SLC27A4: variants seen among roughly 807,000 people sequenced by gnomAD.
SLC27A4 encodes the protein solute carrier family 27 member 4.
Under a neutral mutation model 64.4 loss-of-function variants are expected in SLC27A4, and 33 were observed. That is an observed-to-expected ratio of 0.51 (90% confidence interval 0.39 to 0.68). The LOEUF is 0.68. SLC27A4 is among the 30% of genes least tolerant of loss of function. SLC27A4 has a pLI of 0.00. For missense variants in SLC27A4, 824 were observed against 883.5 expected, an observed-to-expected ratio of 0.93 and a Z score of 0.85; for synonymous variants, 377 against 370.0, an observed-to-expected ratio of 1.02 and a Z score of -0.22.
rs758250643 is a variant in SLC27A4, at chr9:128,360,363, C to T, written c.1804C>T (p.Arg602Trp). ...GTYKFQKTEL[R>W]KEGFDPAIVK... ...CTACAAGTTCCAGAAGACAGAGCTA[C>T]GGAAGGAGGGCTTTGACCCGGCTAT... Residue 602 changes from arginine to tryptophan, a missense_variant, in exon 13 of 13, where the codon CGG (arginine) becomes TGG (tryptophan). By Grantham distance (101) the Arg-to-Trp change is moderately radical. Transcript: ENST00000300456. 25 of 1,614,120 alleles carry T rather than the reference C, an allele frequency of 1.5e-5. No homozygotes were observed. Among genetic ancestry groups the T allele is most frequent in the South Asian group, 2.2e-5 (2 of 91,076 alleles).
At chr9:128,341,808 G>A (rs1262486498) in intron 1 of SLC27A4, among the ~76,000 whole-genome samples, 6 of 152,016 alleles carry the variant, frequency 3.9e-5, no homozygotes, top group African/African-American at 9.7e-5. Flanking sequence ...GCACAATCTC[G>A]GCTCAATGGA....
intron 11 of SLC27A4, 39 bp from the exon 12 acceptor site, chr9:128,355,611 G>A: frequency 6.2e-7 from 1 of 1,607,278 alleles, no homozygotes; most frequent in Non-Finnish European, 8.5e-7. Context: ...CCACCCAGGG[G>A]CACCACCAGC....
At chr9:128,358,020 C>G (rs909457191) in intron 12 of SLC27A4, among the ~76,000 whole-genome samples, 1 of 152,208 alleles carries the variant, frequency 6.6e-6, no homozygotes, top group Non-Finnish European at 1.5e-5. Flanking sequence ...GGGAGGCTCT[C>G]AGACCTTGTA....
Position 128,360,521 on chromosome 9 carries a change from T to C in SLC27A4, c.*30T>C. ...CCCCATCCCTCTGAGGGCCGGCGGA[T>C]GCTGGATCCGGAGCCCCAGGTTCCG... On this transcript the variant is annotated 3_prime_UTR_variant, in exon 13 of 13. Coordinates refer to ENST00000300456, the MANE Select transcript of SLC27A4 (RefSeq NM_005094.4). 6.2e-7 allele frequency: 1 copy of C among 1,612,084 alleles called. No individual in the cohort carries two copies. The highest frequency in any genetic ancestry group is 8.5e-7 in the Non-Finnish European group (1 of 1,179,612).
chr9:128,344,146 C>T (rs975125619), intron 2 of SLC27A4, among the ~76,000 whole-genome samples: 2 of 152,146 alleles, frequency 1.3e-5, no homozygotes, highest in African/African-American at 4.8e-5. Flanking sequence ...GGAGAAAAAG[C>T]GGCTGTACTT....
chr9:128,351,991 C>T (rs954149591), intron 6 of SLC27A4, among the ~76,000 whole-genome samples: 3 of 151,038 alleles, frequency 2.0e-5, no homozygotes, highest in Non-Finnish European at 4.4e-5. Flanking sequence ...TCAAGACCAT[C>T]CTGGCTAACA....
chr9:128,360,193 G>T, intron 12 of SLC27A4, 141 bp from the exon 13 acceptor site: 1 of 975,276 alleles, frequency 1.0e-6, no homozygotes, highest in Admixed American at 1.8e-5. Flanking sequence ...TTTGCAAACT[G>T]TAAAGGGCTG....
chr9:128,344,530 C>T (rs1564398635), intron 2 of SLC27A4, among the ~76,000 whole-genome samples: 1 of 150,336 alleles, frequency 6.7e-6, no homozygotes, highest in Non-Finnish European at 1.5e-5. Context: ...AAAAAAAAAA[C>T]AAAAAAACAA....
At chr9:128,341,909 T>C (rs1832578160) in intron 1 of SLC27A4, among the ~76,000 whole-genome samples, 1 of 152,104 alleles carries the variant, frequency 6.6e-6, no homozygotes, top group Admixed American at 6.5e-5. Flanking sequence ...TGGCTAATTT[T>C]TGTATTTTTA....
Position 128,353,138 on chromosome 9 carries a change from C to T in SLC27A4, c.1101C>T (p.Ile367=), listed in dbSNP as rs377518799. Residue 367 remains isoleucine, a synonymous_variant, in exon 8 of 13, where the codon ATC becomes ATT. Transcript: ENST00000300456. This position sits in a 1 kb window ranked among gnomAD's most constrained non-coding sequence, Gnocchi z 4.9. The part of the protein sequence containing the change: ...MALGNGLRQS[I]WTNFSSRFHI... ...TAGGCAATGGCCTCCGGCAGTCCAT[C>T]TGGACCAACTTTTCCAGCCGCTTCC... The T allele has an allele frequency of 1.4e-5, 22 of 1,614,236 alleles. No individual in the cohort carries two copies. Among genetic ancestry groups the T allele is most frequent in the Non-Finnish European group, 1.8e-5 (21 of 1,180,050 alleles).
chr9:128,343,376 CAT>C (rs1352863091), intron 2 of SLC27A4, 83 bp downstream of exon 2: 8 of 1,525,840 alleles, frequency 5.2e-6, no homozygotes, highest in Non-Finnish European at 7.2e-6. Context: ...GGCCAGACCT[CAT>C]GTTCTCTACC....
intron 4 of SLC27A4, among the ~76,000 whole-genome samples, chr9:128,349,634 CAGCA>C (rs1832705380): frequency 6.6e-6 from 1 of 152,136 alleles, no homozygotes; most frequent in South Asian, 2.1e-4. Context: ...GGCTGGCAAA[CAGCA>C]GGCAGGCAGA....
chr9:128,345,320 G>A lies in SLC27A4; in HGVS notation c.327G>A (p.Glu109=). 6.2e-7 allele frequency: 1 copy of A among 1,613,894 alleles called. No individual in the cohort carries two copies. The highest frequency in any genetic ancestry group is 8.5e-7 in the Non-Finnish European group (1 of 1,180,020). Residue 109 remains glutamate, a synonymous_variant, in exon 3 of 13, where the codon GAG becomes GAA. Transcript: ENST00000300456. The surrounding 1 kb of genome is among the most constrained non-coding windows in gnomAD (Gnocchi z 4.1). Reference sequence around the variant, plus strand: ...ACTGGACCTTCCGCCAGCTGGATGAGTACTCAAGCAGTGTAGCCAACTTCC... The same window carrying A: ...ACTGGACCTTCCGCCAGCTGGATGAATACTCAAGCAGTGTAGCCAACTTCC... ...DTHWTFRQLD[E]YSSSVANFLQ... is the part of the protein sequence containing the mutation.
chr9:128,356,694 G>A (rs1400988066), intron 12 of SLC27A4, among the ~76,000 whole-genome samples: 1 of 151,684 alleles, frequency 6.6e-6, no homozygotes, highest in East Asian at 1.9e-4. Context: ...TGTAATCCCA[G>A]CACTTAGGAG....
chr9:128,358,479 T>C (rs1832851501), intron 12 of SLC27A4, among the ~76,000 whole-genome samples: 1 of 152,268 alleles, frequency 6.6e-6, no homozygotes, highest in Non-Finnish European at 1.5e-5. Flanking sequence ...AGTCTTGCTC[T>C]ATCGCCCAGG....
chr9:128,353,571 G>A lies in SLC27A4; in HGVS notation c.1324+30G>A, dbSNP rs1344392310. The A allele has an allele frequency of 9.3e-6, 15 of 1,610,966 alleles. No individual in the cohort carries two copies. Among genetic ancestry groups the A allele is most frequent in the East Asian group, 2.2e-5 (1 of 44,812 alleles). On this transcript the variant is annotated intron_variant, in intron 9 of 12. Coordinates refer to ENST00000300456, the MANE Select transcript of SLC27A4 (RefSeq NM_005094.4). This position sits in a 1 kb window ranked among gnomAD's most constrained non-coding sequence, Gnocchi z 4.9. ...GCCACTTCGGGGTCAGAGAGGGAGG[G>A]GTTGGCCTGGGAAGGAAGGAGGCCA...
rs1832883343 is a variant in SLC27A4, at chr9:128,360,464, C to T, written c.1905C>T (p.Arg635=). ...YVPLDQEAYS[R]IQAGEEKL is the part of the protein sequence containing the mutation. ...CGCTGGACCAAGAGGCCTACAGCCG[C>T]ATCCAGGCAGGCGAGGAGAAGCTGT... Residue 635 remains arginine (R), a synonymous_variant, in exon 13 of 13, where the codon CGC becomes CGT. Transcript: ENST00000300456. 4 of 1,613,978 alleles carry T rather than the reference C, an allele frequency of 2.5e-6. No homozygotes were observed. In the Admixed American group the frequency reaches 5.0e-5, roughly 20 times the overall value.
In SLC27A4 at chr9:128,360,596, A is replaced by G. The variant is rs1429596971; in HGVS notation, c.*105A>G. 2 of 1,238,594 alleles carry G rather than the reference A, an allele frequency of 1.6e-6. No individual in the cohort carries two copies. The highest frequency in any genetic ancestry group is 1.3e-5 in the South Asian group (1 of 79,754). The allele number at this position is 1,238,594 out of a possible 1,614,324, so 76.7% of individuals were successfully genotyped here. A position where few individuals can be genotyped will look rare whatever the true frequency, so the allele number is the denominator to read the frequency against. Reference sequence around the variant, plus strand: ...CAGACCAAAGCAAGCAGGGCCTGGCACCTCCATCCTGAGGTGCTGCCCCTC... The same window carrying G: ...CAGACCAAAGCAAGCAGGGCCTGGCGCCTCCATCCTGAGGTGCTGCCCCTC... On this transcript the variant is annotated 3_prime_UTR_variant, in exon 13 of 13. Transcript: ENST00000300456.
chr9:128,360,430 G>A lies in SLC27A4; in HGVS notation c.1871G>A (p.Arg624His). Residue 624 changes from arginine to histidine, a missense_variant, in exon 13 of 13, where the codon CGC (arginine) becomes CAC (histidine). Arg to His is a conservative substitution (Grantham distance 29). Transcript: ENST00000300456. ...PLFYLDAQKGRYVPLDQEAYS... is the reference protein window; with the variant it reads ...PLFYLDAQKGHYVPLDQEAYS... Reference sequence around the variant, plus strand: ...TTCTATCTAGATGCCCAGAAGGGCCGCTACGTCCCGCTGGACCAAGAGGCC... The same window carrying A: ...TTCTATCTAGATGCCCAGAAGGGCCACTACGTCCCGCTGGACCAAGAGGCC... 3 of 1,614,090 alleles carry A rather than the reference G, an allele frequency of 1.9e-6. No individual in the cohort carries two copies. Among genetic ancestry groups the A allele is most frequent in the Non-Finnish European group, 1.7e-6 (2 of 1,179,996 alleles).
Sources: allele counts gnomAD v4.1 joint callset (sites outside exome capture counted in the v4.1 genomes callset), GRCh38; gene constraint gnomAD v4.1.1; non-coding constraint Gnocchi (gnomAD v3.1); transcripts MANE v1.5; gene names NCBI Gene and HGNC (gene_info 2026-07-23, HGNC 2026-07-21).